GSX1: variants seen among roughly 807,000 people sequenced by gnomAD.
GSX1 encodes GS homeobox 1.
Under a neutral mutation model 17.7 loss-of-function variants are expected in GSX1, and 13 were observed. The ratio of observed to expected loss-of-function variants is 0.74; its 90% CI spans 0.48 to 1.17. The LOEUF is 1.17. GSX1 is among the 50% of genes most tolerant of loss of function. The pLI, the probability that GSX1 is intolerant of heterozygous loss-of-function variation, is 0.00. For synonymous variants in GSX1, 202 were observed against 176.2 expected (o/e 1.15, Z -1.16); for missense variants, 371 against 372.1 (o/e 1.00, Z 0.02).
rs779468172 is a variant in GSX1 at position 27,793,990 on chromosome 13, G to A, written c.*42G>A. On this transcript the variant is annotated 3_prime_UTR_variant, in exon 2 of 2. Coordinates refer to ENST00000302945, the MANE Select transcript of GSX1 (RefSeq NM_145657.3). This position sits in a 1 kb window ranked among gnomAD's most constrained non-coding sequence, Gnocchi z 6.2. ...GTCGCCCACCCCAAGACCTCCCTGC[G>A]CCTCGGAGACTAGTCCTGGGACTCA... 1.2e-5 allele frequency: 18 copies of A among 1,514,334 alleles called. No individual in the cohort carries two copies. Among genetic ancestry groups the A allele is most frequent in the Non-Finnish European group, 1.5e-5 (17 of 1,134,060 alleles). 93.8% of individuals were successfully genotyped at this position (1,514,334 alleles called of 1,614,324 possible). A position where few individuals can be genotyped will look rare whatever the true frequency, so the allele number is the denominator to read the frequency against.
chr13:27,793,825 C>G lies in GSX1; in HGVS notation c.672C>G (p.Ser224Arg), dbSNP rs752503192. The change falls in exon 2 of 2, where the codon AGC becomes AGG. Residue 224 changes from serine (S) to arginine (R), a missense_variant. By Grantham distance (110) the Ser-to-Arg change is moderately radical. Around this residue, in one of 3 missense-constraint regions of GSX1, gnomAD observed 92 missense variants for 70.0 expected, o/e 1.31. Transcript: ENST00000302945. The surrounding 1 kb of genome is among the most constrained non-coding windows in gnomAD (Gnocchi z 6.2). ...GGGGGAGGGG[S>R]APQGCKCASL... Reference sequence around the variant, plus strand: ...GCGGGGGTGCCGGTGGTGGCGGGAGCGCACCGCAAGGCTGCAAGTGCGCAT... The same window carrying G: ...GCGGGGGTGCCGGTGGTGGCGGGAGGGCACCGCAAGGCTGCAAGTGCGCAT... The G allele has an allele frequency of 6.2e-7, 1 of 1,612,616 alleles. No individual in the cohort carries two copies. The highest frequency in any genetic ancestry group is 1.1e-5 in the South Asian group (1 of 90,894).
At position 27,793,464 on chromosome 13, in the gene GSX1, G is replaced by A. The variant is rs565601224; in HGVS notation, c.413-102G>A. ...TGGATTGTGTTGGGGCGAAGAGATG[G>A]GTAAGAGGTCAAAGTCGTAGGATTC... On this transcript the variant is annotated intron_variant, in intron 1 of 1. Coordinates refer to ENST00000302945, the MANE Select transcript of GSX1 (RefSeq NM_145657.3). This position sits in a 1 kb window ranked among gnomAD's most constrained non-coding sequence, Gnocchi z 6.2. 1.8e-5 allele frequency: 21 copies of A among 1,161,024 alleles called. No individual in the cohort carries two copies. In the African/African-American group the frequency reaches 2.9e-4, roughly 16 times the overall value. The allele number at this position is 1,161,024 out of a possible 1,614,324, so 71.9% of individuals were successfully genotyped here.
chr13:27,794,251 G>A lies in GSX1; in HGVS notation c.*303G>A, dbSNP rs991996272. 6.5e-6 allele frequency: 2 copies of A among 307,180 alleles called. No homozygotes were observed. Among genetic ancestry groups the A allele is most frequent in the Non-Finnish European group, 5.9e-6 (1 of 168,120 alleles). 19.0% of individuals were successfully genotyped at this position (307,180 alleles called of 1,614,324 possible). A position where few individuals can be genotyped will look rare whatever the true frequency, so the allele number is the denominator to read the frequency against. On this transcript the variant is annotated 3_prime_UTR_variant, in exon 2 of 2. Coordinates refer to ENST00000302945, the MANE Select transcript of GSX1 (RefSeq NM_145657.3). ...CCCGCCCGCAAGCCTGCTTGGCGCAGCGCCTTGCTGGCAGCCGGCGCCTCC... is the reference window on the plus strand; with the variant it reads ...CCCGCCCGCAAGCCTGCTTGGCGCAACGCCTTGCTGGCAGCCGGCGCCTCC...
chr13:27,793,819 C>T lies in GSX1; in HGVS notation c.666C>T (p.Gly222=), dbSNP rs3742111. The change falls in exon 2 of 2, where the codon GGC becomes GGT. Residue 222 remains glycine, a synonymous_variant. Transcript: ENST00000302945. The surrounding 1 kb of genome is among the most constrained non-coding windows in gnomAD (Gnocchi z 6.2). The stretch of plus-strand genomic sequence containing the variant: ...GCGGCGGCGGGGGTGCCGGTGGTGG[C>T]GGGAGCGCACCGCAAGGCTGCAAGT... ...RGGGGGGAGG[G]GSAPQGCKCA... 27,216 of 1,612,864 alleles carry T rather than the reference C, an allele frequency of 0.017. 1,577 individuals are homozygous for T. The highest frequency in any genetic ancestry group is 0.15 in the Admixed American group (9,197 of 59,920).
Position 27,794,051 on chromosome 13 carries a change from C to T in GSX1, c.*103C>T, listed in dbSNP as rs1299377790. The T allele has an allele frequency of 7.7e-7, 1 of 1,303,934 alleles. No individual in the cohort carries two copies. Among genetic ancestry groups the T allele is most frequent in the Non-Finnish European group, 1.0e-6 (1 of 960,752 alleles). 80.8% of individuals were successfully genotyped at this position (1,303,934 alleles called of 1,614,324 possible). On this transcript the variant is annotated 3_prime_UTR_variant, in exon 2 of 2. Transcript: ENST00000302945. ...CCAGGCACCCGCAGCCAAACCACTG[C>T]CTGGCATGGATTTGGCACTGCTTTG...
rs1235822760 is a variant in GSX1 at position 27,794,344 on chromosome 13, G to C, written c.*396G>C. On this transcript the variant is annotated 3_prime_UTR_variant, in exon 2 of 2. Coordinates refer to ENST00000302945, the MANE Select transcript of GSX1 (RefSeq NM_145657.3). ...CTACTCTCCTCCGCTCTCGGTCAAG[G>C]TCGGCGGCCTTGGATGCTCGTTCGC... 5.3e-6 allele frequency: 1 copy of C among 188,256 alleles called. No individual in the cohort carries two copies. The highest frequency in any genetic ancestry group is 1.1e-5 in the Non-Finnish European group (1 of 92,652). 11.7% of individuals were successfully genotyped at this position (188,256 alleles called of 1,614,324 possible).
Position 27,793,976 on chromosome 13 carries a change from C to A in GSX1, c.*28C>A. The A allele has an allele frequency of 6.6e-7, 1 of 1,520,190 alleles. No individual in the cohort carries two copies. Among genetic ancestry groups the A allele is most frequent in the Non-Finnish European group, 8.8e-7 (1 of 1,136,100 alleles). The allele number at this position is 1,520,190 out of a possible 1,614,324, so 94.2% of individuals were successfully genotyped here. A position where few individuals can be genotyped will look rare whatever the true frequency, so the allele number is the denominator to read the frequency against. On this transcript the variant is annotated 3_prime_UTR_variant, in exon 2 of 2. Coordinates refer to ENST00000302945, the MANE Select transcript of GSX1 (RefSeq NM_145657.3). The surrounding 1 kb of genome is among the most constrained non-coding windows in gnomAD (Gnocchi z 6.2). ...GCGTGTCTCCCTAGGTCGCCCACCCCAAGACCTCCCTGCGCCTCGGAGACT... is the reference window on the plus strand; with the variant it reads ...GCGTGTCTCCCTAGGTCGCCCACCCAAAGACCTCCCTGCGCCTCGGAGACT...
chr13:27,794,610 C>T lies in GSX1; in HGVS notation c.*662C>T, dbSNP rs1178219671. The T allele has an allele frequency of 6.6e-6, 1 of 151,900 alleles. No homozygotes were observed. Among genetic ancestry groups the T allele is most frequent in the Admixed American group, 6.6e-5 (1 of 15,258 alleles). The allele number at this position is 151,900 out of a possible 1,614,324, so 9.4% of individuals were successfully genotyped here. A position where few individuals can be genotyped will look rare whatever the true frequency, so the allele number is the denominator to read the frequency against. ...GATGATAAATTTCGCCCGTAGTATC[C>T]ATATTGGGGAAACAGATTTGCTCTG... is the stretch of plus-strand genomic sequence containing the variant. On this transcript the variant is annotated 3_prime_UTR_variant, in exon 2 of 2. Transcript: ENST00000302945.
chr13:27,792,681 C>G lies in GSX1; in HGVS notation c.-10C>G. 7.3e-7 allele frequency: 1 copy of G among 1,372,854 alleles called. No homozygotes were observed. The highest frequency in any genetic ancestry group is 9.3e-7 in the Non-Finnish European group (1 of 1,071,578). The allele number at this position is 1,372,854 out of a possible 1,614,324, so 85.0% of individuals were successfully genotyped here. A position where few individuals can be genotyped will look rare whatever the true frequency, so the allele number is the denominator to read the frequency against. ...GCGGGCTGGCTGCGGGGCGACCGCG[C>G]GCCGGGGCCATGCCGCGCTCCTTCC... is the stretch of plus-strand genomic sequence containing the variant. On this transcript the variant is annotated 5_prime_UTR_variant, in exon 1 of 2. Coordinates refer to ENST00000302945, the MANE Select transcript of GSX1 (RefSeq NM_145657.3).
Position 27,792,559 on chromosome 13 carries a change from C to A in GSX1, c.-132C>A. On this transcript the variant is annotated 5_prime_UTR_variant, in exon 1 of 2. Coordinates refer to ENST00000302945, the MANE Select transcript of GSX1 (RefSeq NM_145657.3). The stretch of plus-strand genomic sequence containing the variant: ...CAGAGGCTACTGTTTCAGCCTAGGT[C>A]TCAGCCGCGCGTTCAGCCTCCTGGG... 1 of 765,892 alleles carries A rather than the reference C, an allele frequency of 1.3e-6. No individual in the cohort carries two copies. Among genetic ancestry groups the A allele is most frequent in the Non-Finnish European group, 1.9e-6 (1 of 535,142 alleles). 47.4% of individuals were successfully genotyped at this position (765,892 alleles called of 1,614,324 possible).
At position 27,793,544 on chromosome 13, in the gene GSX1, T is replaced by G; in HGVS notation, c.413-22T>G. 2 of 1,594,778 alleles carry G rather than the reference T, an allele frequency of 1.3e-6. No homozygotes were observed. The highest frequency in any genetic ancestry group is 1.7e-6 in the Non-Finnish European group (2 of 1,172,194). Reference sequence around the variant, plus strand: ...ACAGCACAGAGGTCTGATCGCTTCCTTCTCTGCTCTGCCACCTCCAGACAG... The same window carrying G: ...ACAGCACAGAGGTCTGATCGCTTCCGTCTCTGCTCTGCCACCTCCAGACAG... On this transcript the variant is annotated intron_variant, in intron 1 of 1. Coordinates refer to ENST00000302945, the MANE Select transcript of GSX1 (RefSeq NM_145657.3). This position sits in a 1 kb window ranked among gnomAD's most constrained non-coding sequence, Gnocchi z 6.2.
In GSX1 at chr13:27,794,255, C is replaced by T. The variant is rs1365340357; in HGVS notation, c.*307C>T. On this transcript the variant is annotated 3_prime_UTR_variant, in exon 2 of 2. Transcript: ENST00000302945. ...CCCGCAAGCCTGCTTGGCGCAGCGC[C>T]TTGCTGGCAGCCGGCGCCTCCTAGC... 1 of 302,952 alleles carries T rather than the reference C, an allele frequency of 3.3e-6. No homozygotes were observed. The highest frequency in any genetic ancestry group is 6.0e-6 in the Non-Finnish European group (1 of 165,416). 18.8% of individuals were successfully genotyped at this position (302,952 alleles called of 1,614,324 possible).
In GSX1 at chr13:27,793,628, C is replaced by T; in HGVS notation, c.475C>T (p.Leu159=). ...RMRTAFTSTQ[L]LELEREFASN... Reference sequence around the variant, plus strand: ...GCGCACGGCTTTCACCAGCACGCAGCTGCTAGAGCTGGAGCGCGAGTTCGC... The same window carrying T: ...GCGCACGGCTTTCACCAGCACGCAGTTGCTAGAGCTGGAGCGCGAGTTCGC... The change falls in exon 2 of 2, where the codon CTG becomes TTG. Residue 159 remains leucine (L), a synonymous_variant. Coordinates refer to ENST00000302945, the MANE Select transcript of GSX1 (RefSeq NM_145657.3). This position sits in a 1 kb window ranked among gnomAD's most constrained non-coding sequence, Gnocchi z 6.2. 6.2e-7 allele frequency: 1 copy of T among 1,614,172 alleles called. No homozygotes were observed. The highest frequency in any genetic ancestry group is 8.5e-7 in the Non-Finnish European group (1 of 1,180,000).
rs1957072425 is a variant in GSX1, at chr13:27,792,584, GCA to G, written c.-106_-105del. ...CTCAGCCGCGCGTTCAGCCTCCTGG[GCA>G]GAGGCAGCTGCGGGATACCGCGGCC... is the stretch of plus-strand genomic sequence containing the variant. On this transcript the variant is annotated 5_prime_UTR_variant, in exon 1 of 2. Coordinates refer to ENST00000302945, the MANE Select transcript of GSX1 (RefSeq NM_145657.3). The G allele has an allele frequency of 1.0e-6, 1 of 970,310 alleles. No homozygotes were observed. 60.1% of individuals were successfully genotyped at this position (970,310 alleles called of 1,614,324 possible).
In GSX1 at chr13:27,792,768, G is replaced by A. The variant is rs945460234; in HGVS notation, c.78G>A (p.Pro26=). 1.2e-4 allele frequency: 174 copies of A among 1,488,788 alleles called. No individual in the cohort carries two copies. Among genetic ancestry groups the A allele is most frequent in the Non-Finnish European group, 1.4e-4 (162 of 1,127,924 alleles). The allele number at this position is 1,488,788 out of a possible 1,614,324, so 92.2% of individuals were successfully genotyped here. ...GEKKAPEGSP[P]PLFPYAVPPP... ...AGAAGGCGCCCGAGGGCAGCCCGCC[G>A]CCGCTCTTCCCCTACGCTGTGCCCC... The change falls in exon 1 of 2, where the codon CCG becomes CCA. Residue 26 remains proline (P), a synonymous_variant. Transcript: ENST00000302945.
Position 27,794,070 on chromosome 13 carries a change from T to A in GSX1, c.*122T>A. 1 of 1,142,712 alleles carries A rather than the reference T, an allele frequency of 8.8e-7. No individual in the cohort carries two copies. The highest frequency in any genetic ancestry group is 1.6e-5 in the South Asian group (1 of 63,114). The allele number at this position is 1,142,712 out of a possible 1,614,324, so 70.8% of individuals were successfully genotyped here. ...CCACTGCCTGGCATGGATTTGGCAC[T>A]GCTTTGCAGAGGTCCCGGGCCTGGG... On this transcript the variant is annotated 3_prime_UTR_variant, in exon 2 of 2. Coordinates refer to ENST00000302945, the MANE Select transcript of GSX1 (RefSeq NM_145657.3).
Position 27,792,911 on chromosome 13 carries a change from C to T in GSX1, c.221C>T (p.Pro74Leu), listed in dbSNP as rs1172245078. ...CAGCTGCATGGGCCCCCCGGGCCGC[C>T]CGCGCTGCCTCTACTCAAGGCTTCC... ...ASQLHGPPGP[P>L]ALPLLKASFP... is the part of the protein sequence containing the mutation. The change falls in exon 1 of 2, where the codon CCC becomes CTC. Residue 74 changes from proline (P) to leucine (L), a missense_variant. Pro to Leu is a moderately conservative substitution (Grantham distance 98). Coordinates refer to ENST00000302945, the MANE Select transcript of GSX1 (RefSeq NM_145657.3). The T allele has an allele frequency of 1.3e-6, 2 of 1,527,168 alleles. No homozygotes were observed. The highest frequency in any genetic ancestry group is 1.4e-5 in the African/African-American group (1 of 71,806). 94.6% of individuals were successfully genotyped at this position (1,527,168 alleles called of 1,614,324 possible).
chr13:27,793,927 G>A lies in GSX1; in HGVS notation c.774G>A (p.Arg258=). The A allele has an allele frequency of 6.4e-7, 1 of 1,559,994 alleles. No homozygotes were observed. The highest frequency in any genetic ancestry group is 8.7e-7 in the Non-Finnish European group (1 of 1,151,020). Residue 258 remains arginine, a synonymous_variant, in exon 2 of 2, where the codon CGG becomes CGA. Transcript: ENST00000302945. This position sits in a 1 kb window ranked among gnomAD's most constrained non-coding sequence, Gnocchi z 6.2. ...CGTCCTCCTCAGGGAAGGACGACCG[G>A]GATCTTACGGTCACTCCCTAGGCGC... ...MSPSSSGKDD[R]DLTVTP is the part of the protein sequence containing the mutation.
Position 27,792,843 on chromosome 13 carries a change from G to A in GSX1, c.153G>A (p.Lys51=), listed in dbSNP as rs1305983480. ...GLSPGACHAR[K]AGLLCVCPLC... is the part of the protein sequence containing the mutation. ...CGCCTGGCGCCTGCCACGCGCGCAAGGCTGGGCTGCTGTGCGTGTGCCCGC... is the reference window on the plus strand; with the variant it reads ...CGCCTGGCGCCTGCCACGCGCGCAAAGCTGGGCTGCTGTGCGTGTGCCCGC... Residue 51 remains lysine, a synonymous_variant, in exon 1 of 2, where the codon AAG becomes AAA. Transcript: ENST00000302945. 2.6e-6 allele frequency: 4 copies of A among 1,515,164 alleles called. No individual in the cohort carries two copies. Among genetic ancestry groups the A allele is most frequent in the Non-Finnish European group, 3.5e-6 (4 of 1,138,800 alleles). 93.9% of individuals were successfully genotyped at this position (1,515,164 alleles called of 1,614,324 possible).
Sources: gnomAD v4.1 joint callset for allele counts on GRCh38, gnomAD v4.1.1 for gene constraint, gnomAD v4.1.1 regional missense constraint, Gnocchi (gnomAD v3.1) non-coding constraint, MANE v1.5 for transcripts, NCBI Gene and HGNC (gene_info 2026-07-23, HGNC 2026-07-21) for gene names.